The following ANKHD1 variants were observed in gnomAD, a reference collection of about 807,000 sequenced individuals.
ANKHD1 encodes the protein ankyrin repeat and KH domain containing 1.
Under a neutral mutation model 230.5 loss-of-function variants are expected in ANKHD1, and 31 were observed. That is an observed-to-expected ratio of 0.13 (90% CI 0.10 to 0.18). The LOEUF (loss-of-function observed/expected upper bound fraction) is 0.18. Among genes scored for constraint, ANKHD1 ranks in the 10% least tolerant of loss-of-function variants. The pLI, the probability that ANKHD1 is intolerant of heterozygous loss-of-function variation, is 1.00. For missense variants in ANKHD1, 2,256 were observed against 3,071.3 expected (o/e 0.73, Z 6.27); for synonymous variants, 1,074 against 1,117.6 (o/e 0.96, Z 0.78).
At chr5:140,534,869 C>G (rs1405603168) in intron 29 of ANKHD1, among the ~76,000 whole-genome samples, 6 of 152,142 alleles carry the variant, frequency 3.9e-5, no homozygotes, top group Admixed American at 3.9e-4. Flanking sequence ...CTGAAATTAT[C>G]CTCAGTAGTA....
rs1753236635 is a variant in ANKHD1, at chr5:140,519,897, G to A, written c.4318-4169G>A. Among the ~76,000 whole-genome samples the A allele has an allele frequency of 2.0e-5, 3 of 152,030 alleles. No individual in the cohort carries two copies. The South Asian group carries it at 6.2e-4, about 32-fold the overall frequency. Reference sequence around the variant, plus strand: ...GGACCTCATGTCTAAAACACCAAAAGCAATGGCAACAAAAGCCAAAATTGA... The same window carrying A: ...GGACCTCATGTCTAAAACACCAAAAACAATGGCAACAAAAGCCAAAATTGA... On this transcript the variant is annotated intron_variant, in intron 24 of 33. Coordinates refer to ENST00000360839, the MANE Select transcript of ANKHD1 (RefSeq NM_017747.3).
chr5:140,445,657 A>G (rs974803138), intron 5 of ANKHD1, 85 bp from the exon 6 acceptor site: 30 of 1,209,142 alleles, frequency 2.5e-5, no homozygotes, highest in Non-Finnish European at 3.0e-5. Flanking sequence ...TCATGATTGT[A>G]TATTTCTTTT....
At chr5:140,468,223 T>A (rs537230096) in intron 10 of ANKHD1, among the ~76,000 whole-genome samples, 1 of 148,672 alleles carries the variant, frequency 6.7e-6, no homozygotes, top group South Asian at 2.1e-4. Flanking sequence ...TACAGGTATG[T>A]GCTAAAATCC....
chr5:140,534,693 AAAT>A (rs753846020), intron 29 of ANKHD1, among the ~76,000 whole-genome samples: 18 of 152,180 alleles, frequency 1.2e-4, no homozygotes, highest in Non-Finnish European at 2.2e-4. Flanking sequence ...CTTTTTCCTG[AAAT>A]AATAAACCAT....
chr5:140,485,873 T>C lies in ANKHD1; in HGVS notation c.2142+141T>C. On this transcript the variant is annotated intron_variant, in intron 13 of 33. Coordinates refer to ENST00000360839, the MANE Select transcript of ANKHD1 (RefSeq NM_017747.3). This position sits in a 1 kb window ranked among gnomAD's most constrained non-coding sequence, Gnocchi z 4.8. ...GAGAAAATCATGACTCTAAATTCTT[T>C]AGGATTTATTTTCTTTAAAGGTACA... 1.6e-6 allele frequency: 2 copies of C among 1,279,000 alleles called. No individual in the cohort carries two copies. Among genetic ancestry groups the C allele is most frequent in the East Asian group, 2.6e-5 (1 of 38,822 alleles). The allele number at this position is 1,279,000 out of a possible 1,614,324, so 79.2% of individuals were successfully genotyped here.
chr5:140,434,698 T>A (rs1773311689), intron 1 of ANKHD1, among the ~76,000 whole-genome samples: 1 of 152,058 alleles, frequency 6.6e-6, no homozygotes, highest in African/African-American at 2.4e-5. Context: ...ATTTTTTATT[T>A]CTTCTCACAG....
chr5:140,445,832 A>G lies in ANKHD1; in HGVS notation c.1004A>G (p.Asn335Ser). 6.2e-7 allele frequency: 1 copy of G among 1,613,878 alleles called. No individual in the cohort carries two copies. The highest frequency in any genetic ancestry group is 8.5e-7 in the Non-Finnish European group (1 of 1,179,874). Residue 335 changes from asparagine (N) to serine (S), a missense_variant, in exon 6 of 34, where the codon AAT (asparagine) becomes AGT (serine). Around this residue, in one of 13 missense-constraint regions of ANKHD1, gnomAD observed 206 missense variants for 304.5 expected, o/e 0.68. Coordinates refer to ENST00000360839, the MANE Select transcript of ANKHD1 (RefSeq NM_017747.3). ...LNEGANIEDH[N>S]ENGHTPLMEA... is the part of the protein sequence containing the mutation. ...GAAGGTGCAAATATAGAAGATCATA[A>G]TGAAAATGGACATACTCCCTTAATG... is the stretch of plus-strand genomic sequence containing the variant.
rs761225034 is a variant in ANKHD1, at chr5:140,529,595, T to C, written c.6649T>C (p.Phe2217Leu). 6.2e-7 allele frequency: 1 copy of C among 1,614,216 alleles called. No homozygotes were observed. Among genetic ancestry groups the C allele is most frequent in the South Asian group, 1.1e-5 (1 of 91,086 alleles). ...ATLFNHFSSL[F>L]DSSQVPANQG... is the part of the protein sequence containing the mutation. ...ACTTTTCAATCACTTCAGCAGTCTT[T>C]TTGATAGTAGTCAGGTGCCAGCTAA... The change falls in exon 29 of 34, where the codon TTT becomes CTT. Residue 2217 changes from phenylalanine to leucine, a missense_variant. By Grantham distance (22) the Phe-to-Leu change is conservative. Coordinates refer to ENST00000360839, the MANE Select transcript of ANKHD1 (RefSeq NM_017747.3).
intron 15 of ANKHD1, among the ~76,000 whole-genome samples, chr5:140,502,052 AAAAGC>A (rs1752331116): frequency 6.6e-6 from 1 of 152,014 alleles, no homozygotes; most frequent in Admixed American, 6.6e-5. Flanking sequence ...AAAAAAAAAA[AAAAGC>A]ATACCGTATA....
Position 140,401,860 on chromosome 5 carries a change from C to A in ANKHD1, c.-108C>A, listed in dbSNP as rs985358800. Reference sequence around the variant, plus strand: ...TGAGAAGTTAGTGGCGCTGCTGGGACGGGGGAAAGGAGACGCTTCTTCCTC... The same window carrying A: ...TGAGAAGTTAGTGGCGCTGCTGGGAAGGGGGAAAGGAGACGCTTCTTCCTC... On this transcript the variant is annotated 5_prime_UTR_variant, in exon 1 of 34. Transcript: ENST00000360839. 2.1e-6 allele frequency: 3 copies of A among 1,412,638 alleles called. No individual in the cohort carries two copies. Among genetic ancestry groups the A allele is most frequent in the Non-Finnish European group, 2.8e-6 (3 of 1,086,402 alleles). 87.5% of individuals were successfully genotyped at this position (1,412,638 alleles called of 1,614,324 possible). A position where few individuals can be genotyped will look rare whatever the true frequency, so the allele number is the denominator to read the frequency against.
chr5:140,420,373 T>C (rs1771879892), intron 1 of ANKHD1, among the ~76,000 whole-genome samples: 1 of 152,162 alleles, frequency 6.6e-6, no homozygotes, highest in Non-Finnish European at 1.5e-5. Context: ...CTTGTGCTCT[T>C]GTTGTCATGT....
At chr5:140,448,464 G>T (rs559654653) in intron 6 of ANKHD1, among the ~76,000 whole-genome samples, 10 of 152,122 alleles carry the variant, frequency 6.6e-5, no homozygotes, top group African/African-American at 2.4e-4. Context: ...TTGCCAAATT[G>T]CCTTCTAGAA....
chr5:140,457,992 TA>T, intron 7 of ANKHD1, among the ~76,000 whole-genome samples: 1 of 152,180 alleles, frequency 6.6e-6, no homozygotes, highest in Non-Finnish European at 1.5e-5. Context: ...TAGGCCATGG[TA>T]AAAATTTTTT....
chr5:140,527,186 G>C lies in ANKHD1; in HGVS notation c.5087+112G>C, dbSNP rs1753642055. On this transcript the variant is annotated intron_variant, in intron 27 of 33. Coordinates refer to ENST00000360839, the MANE Select transcript of ANKHD1 (RefSeq NM_017747.3). The surrounding 1 kb of genome is among the most constrained non-coding windows in gnomAD (Gnocchi z 4.5). The stretch of plus-strand genomic sequence containing the variant: ...TTGAATGTGGTTATTATTTTAAACT[G>C]CATTGCCACACTAAATCCAGAATAT... The C allele has an allele frequency of 2.2e-6, 3 of 1,372,434 alleles. No individual in the cohort carries two copies. The African/African-American group carries it at 4.5e-5, about 20-fold the overall frequency. 85.0% of individuals were successfully genotyped at this position (1,372,434 alleles called of 1,614,324 possible).
At chr5:140,503,604 G>A (rs1009353948) in intron 15 of ANKHD1, among the ~76,000 whole-genome samples, 1 of 99,710 alleles carries the variant, frequency 1.0e-5, no homozygotes, top group Non-Finnish European at 1.8e-5. Flanking sequence ...GTCTCACTCT[G>A]TTGCCCATGC....
intron 8 of ANKHD1, 135 bp from the exon 9 acceptor site, chr5:140,459,012 ATATATATATATATATAT>A (rs1274615880): frequency 4.4e-4 from 51 of 116,940 alleles, no homozygotes; most frequent in Non-Finnish European, 5.9e-4. Context: ...ATATATATAT[ATATATATATATATATAT>A]TGCATTGATG....
intron 3 of ANKHD1, 89 bp downstream of exon 3, chr5:140,438,706 G>T: frequency 6.9e-7 from 1 of 1,448,636 alleles, no homozygotes; most frequent in South Asian, 1.6e-5. Context: ...ATCTTTTGGT[G>T]GAGCTTATAA....
intron 24 of ANKHD1, among the ~76,000 whole-genome samples, chr5:140,519,648 G>C (rs2127074698): frequency 6.6e-6 from 1 of 152,256 alleles, no homozygotes; most frequent in South Asian, 2.1e-4. Flanking sequence ...TCTGATCTTT[G>C]ACAAACCTGA....
At chr5:140,533,837 A>G (rs1238893799) in intron 29 of ANKHD1, among the ~76,000 whole-genome samples, 1 of 152,032 alleles carries the variant, frequency 6.6e-6, no homozygotes, top group Non-Finnish European at 1.5e-5. Flanking sequence ...TTCAATAAAA[A>G]AAGAAAGAAA....
Sources: gnomAD v4.1 joint callset for allele counts (sites outside exome capture counted in the v4.1 genomes callset) on GRCh38, gnomAD v4.1.1 for gene constraint, gnomAD v4.1.1 regional missense constraint, Gnocchi (gnomAD v3.1) non-coding constraint, MANE v1.5 for transcripts, NCBI Gene and HGNC (gene_info 2026-07-23, HGNC 2026-07-21) for gene names.